COL28A1: variants seen among roughly 807,000 people sequenced by gnomAD.
The protein encoded by COL28A1 is collagen alpha-1(XXVIII) chain.
Under a neutral mutation model 150.2 loss-of-function variants are expected in COL28A1, and 161 were observed. That is an observed-to-expected ratio of 1.07 (90% CI 0.94 to 1.22). The LOEUF (loss-of-function observed/expected upper bound fraction) is 1.22. Among genes scored for constraint, COL28A1 ranks in the 50% most tolerant of loss-of-function variants. The pLI, the probability that COL28A1 is intolerant of heterozygous loss-of-function variation, is 0.00. For missense variants in COL28A1, 1,617 were observed against 1,388.3 expected, an observed-to-expected ratio of 1.16 and a Z score of -2.62; for synonymous variants, 552 against 469.7, an observed-to-expected ratio of 1.18 and a Z score of -2.26.
intron 27 of COL28A1, among the ~76,000 whole-genome samples, chr7:7,411,801 C>A (rs1053430267): frequency 1.3e-5 from 2 of 152,172 alleles, no homozygotes; most frequent in African/African-American, 4.8e-5. Context: ...ATGCTCTAAG[C>A]TTCTCTTTTT....
At position 7,502,416 on chromosome 7, in the gene COL28A1, A is replaced by C. The variant is rs79485551; in HGVS notation, c.1026+3598T>G. Among the ~76,000 whole-genome samples the C allele has an allele frequency of 8.3e-3, 1,268 of 152,286 alleles. 51 individuals are homozygous for C. Among genetic ancestry groups the C allele is most frequent in the East Asian group, 0.08 (413 of 5,176 alleles). ...GGAGCACATTTTTTCCTGACTTAAC[A>C]CATGCATTTTTTTCCTTTTGTTCTT... On this transcript the variant is annotated intron_variant, in intron 11 of 34. Coordinates refer to ENST00000399429, the MANE Select transcript of COL28A1 (RefSeq NM_001037763.3).
chr7:7,387,247 A>G (rs1360993283), intron 27 of COL28A1, among the ~76,000 whole-genome samples: 1 of 152,184 alleles, frequency 6.6e-6, no homozygotes, highest in Non-Finnish European at 1.5e-5. Flanking sequence ...GTGGAGGGTC[A>G]GGAAACCACG....
rs375609310 is a variant in COL28A1 at position 7,419,865 on chromosome 7, G to T, written c.2067+20C>A. 1 of 1,536,620 alleles carries T rather than the reference G, an allele frequency of 6.5e-7. No individual in the cohort carries two copies. The highest frequency in any genetic ancestry group is 8.8e-7 in the Non-Finnish European group (1 of 1,139,660). On this transcript the variant is annotated intron_variant, in intron 26 of 34. Coordinates refer to ENST00000399429, the MANE Select transcript of COL28A1 (RefSeq NM_001037763.3). ...TGATGATATCTGACCCTCACACAAA[G>T]CACTGAGCTGAGGACTCACCTTTGG...
At chr7:7,383,432 C>G (rs1781994754) in intron 27 of COL28A1, among the ~76,000 whole-genome samples, 1 of 151,708 alleles carries the variant, frequency 6.6e-6, no homozygotes, top group Non-Finnish European at 1.5e-5. Context: ...GTGTGTGCCA[C>G]TATGCCTGGC....
chr7:7,508,879 G>T (rs1302777910), intron 9 of COL28A1, among the ~76,000 whole-genome samples: 1 of 151,990 alleles, frequency 6.6e-6, no homozygotes, highest in Non-Finnish European at 1.5e-5. Flanking sequence ...TGTCCCCCAG[G>T]CTGGAGTGCA....
At chr7:7,448,442 CTA>C (rs1786435574) in intron 18 of COL28A1, among the ~76,000 whole-genome samples, 1 of 151,742 alleles carries the variant, frequency 6.6e-6, no homozygotes, top group African/African-American at 2.4e-5. Context: ...CACTATAATT[CTA>C]TAACCAGAAA....
the COL28A1 span, among the ~76,000 whole-genome samples, chr7:7,348,000 G>A: frequency 8.0e-4 from 122 of 152,098 alleles, 1 homozygote; most frequent in East Asian, 0.021. Context: ...GGCATTAATT[G>A]GCATGGCAAC....
chr7:7,433,758 T>TA (rs1785149402), intron 23 of COL28A1, among the ~76,000 whole-genome samples: 1 of 152,162 alleles, frequency 6.6e-6, no homozygotes, highest in Admixed American at 6.5e-5. Context: ...TGATGACTCT[T>TA]ACAACAGCCC....
At chr7:7,515,079 C>T (rs1046825472) in intron 8 of COL28A1, among the ~76,000 whole-genome samples, 1 of 152,172 alleles carries the variant, frequency 6.6e-6, no homozygotes, top group Non-Finnish European at 1.5e-5. Flanking sequence ...TAGCCTCTTT[C>T]TCATGCCTGA....
chr7:7,383,252 G>GT (rs1781971109), intron 27 of COL28A1, among the ~76,000 whole-genome samples: 10 of 102,890 alleles, frequency 9.7e-5, no homozygotes, highest in African/African-American at 5.4e-4. Flanking sequence ...TTTTTTTGTT[G>GT]TGTGTGTGTG....
chr7:7,394,050 G>C (rs1249738834), intron 27 of COL28A1, among the ~76,000 whole-genome samples: 1 of 152,080 alleles, frequency 6.6e-6, no homozygotes, highest in Admixed American at 6.5e-5. Context: ...TTGAAACCCA[G>C]GGCCCTGGTG....
chr7:7,513,855 G>A (rs1480859294), intron 8 of COL28A1, among the ~76,000 whole-genome samples: 2 of 152,186 alleles, frequency 1.3e-5, no homozygotes, highest in African/African-American at 2.4e-5. Flanking sequence ...CTCTGCAAAG[G>A]CGTTTTCCTT....
chr7:7,383,422 G>T (rs1159875287), intron 27 of COL28A1, among the ~76,000 whole-genome samples: 1 of 151,582 alleles, frequency 6.6e-6, no homozygotes, highest in African/African-American at 2.4e-5. Flanking sequence ...GGGATTACAG[G>T]TGTGTGCCAC....
chr7:7,344,749 A>G, the COL28A1 span, among the ~76,000 whole-genome samples: 2 of 152,076 alleles, frequency 1.3e-5, no homozygotes, highest in Non-Finnish European at 2.9e-5. Context: ...CATTCCCCCC[A>G]GCAACAAAGA....
chr7:7,444,245 T>C (rs958939712), intron 19 of COL28A1, among the ~76,000 whole-genome samples, 173 bp downstream of exon 19: 1 of 152,144 alleles, frequency 6.6e-6, no homozygotes, highest in African/African-American at 2.4e-5. Flanking sequence ...AGCCTTTGAA[T>C]AGGCCACTCC....
intron 27 of COL28A1, among the ~76,000 whole-genome samples, chr7:7,406,151 G>A (rs1783481136): frequency 6.6e-6 from 1 of 152,160 alleles, no homozygotes; most frequent in Non-Finnish European, 1.5e-5. Context: ...ACCTGTGAGT[G>A]AACACTACTG....
chr7:7,497,882 C>T (rs753652797), intron 11 of COL28A1, among the ~76,000 whole-genome samples: 9 of 152,142 alleles, frequency 5.9e-5, no homozygotes, highest in Non-Finnish European at 1.0e-4. Context: ...GGTAAGTGAA[C>T]TGTACTGAGT....
intron 31 of COL28A1, among the ~76,000 whole-genome samples, chr7:7,374,039 AT>A (rs1346988467): frequency 0.22 from 14,256 of 65,432 alleles, 932 homozygotes; most frequent in African/African-American, 0.33. Context: ...AAAAAAAAAA[AT>A]ATATATATAT....
At chr7:7,439,898 G>T (rs889426436) in intron 21 of COL28A1, among the ~76,000 whole-genome samples, 1 of 152,208 alleles carries the variant, frequency 6.6e-6, no homozygotes, top group Non-Finnish European at 1.5e-5. Context: ...AAGTTTAAGA[G>T]TCACTGGTGT....
Sources: allele counts gnomAD v4.1 joint callset (sites outside exome capture counted in the v4.1 genomes callset), GRCh38; gene constraint gnomAD v4.1.1; transcripts MANE v1.5; gene names NCBI Gene and HGNC (gene_info 2026-07-23, HGNC 2026-07-21).